ADGRA1: variants seen among roughly 807,000 people sequenced by gnomAD.
ADGRA1 encodes adhesion G protein-coupled receptor A1.
ADGRA1 carries 12 observed loss-of-function variants against 21.3 expected under a neutral mutation model. The observed-to-expected ratio is 0.56, with a 90% CI of 0.36 to 0.91. The LOEUF is 0.91. ADGRA1 is among the 40% of genes least tolerant of loss of function. The probability of loss-of-function intolerance (pLI) is 0.01; values close to 1 mark genes in which losing one functional copy is unlikely to be tolerated. For synonymous variants in ADGRA1, 385 were observed against 368.8 expected (o/e 1.04, Z -0.50); for missense variants, 790 against 805.6 (o/e 0.98, Z 0.23).
intron 5 of ADGRA1, among the ~76,000 whole-genome samples, chr10:133,112,692 GGCCA>G (rs1852071606): frequency 6.9e-6 from 1 of 145,732 alleles, no homozygotes; most frequent in African/African-American, 2.5e-5. Flanking sequence ...GGGGTCTACG[GGCCA>G]CGTCAGTTAT....
chr10:133,097,020 T>C lies in ADGRA1; in HGVS notation c.50T>C (p.Leu17Pro). 6.2e-7 allele frequency: 1 copy of C among 1,613,218 alleles called. No individual in the cohort carries two copies. ...CTGCCCCGCTACCCAGGGGAGTTCC[T>C]GCACCCCGTGGTGTACGCGTGCACG... is the stretch of plus-strand genomic sequence containing the variant. ...LSLPRYPGEFLHPVVYACTAV... is the reference protein window; with the variant it reads ...LSLPRYPGEFPHPVVYACTAV... The change falls in exon 3 of 7, where the codon CTG becomes CCG. Residue 17 changes from leucine to proline, a missense_variant. By Grantham distance (98) the Leu-to-Pro change is moderately conservative. Transcript: ENST00000392607.
At position 133,102,722 on chromosome 10, in the gene ADGRA1, C is replaced by T; in HGVS notation, c.281C>T (p.Thr94Ile). 6.2e-7 allele frequency: 1 copy of T among 1,612,080 alleles called. No homozygotes were observed. Among genetic ancestry groups the T allele is most frequent in the South Asian group, 1.1e-5 (1 of 91,024 alleles). ...QAVGIVLHYS[T>I]LSTMLWIGVT... ...GTGGGCATCGTGCTGCACTATTCTA[C>T]ACTGTCCACCATGCTGTGGATAGGA... Residue 94 changes from threonine (T) to isoleucine (I), a missense_variant, in exon 5 of 7, where the codon ACA (threonine) becomes ATA (isoleucine). Coordinates refer to ENST00000392607, the MANE Select transcript of ADGRA1 (RefSeq NM_001083909.3).
chr10:133,093,322 C>G, intron 2 of ADGRA1: 1 of 1,520,456 alleles, frequency 6.6e-7, no homozygotes, highest in Non-Finnish European at 8.8e-7. Context: ...ATCTTTCCTC[C>G]TTTGTTTTTG....
chr10:133,125,462 C>A (rs1049981810), intron 5 of ADGRA1, among the ~76,000 whole-genome samples: 1 of 152,182 alleles, frequency 6.6e-6, no homozygotes, highest in Admixed American at 6.5e-5. Flanking sequence ...CTCGTTCTGT[C>A]GCCCAGGCTG....
At chr10:133,093,675 C>A (rs1285656579) in intron 2 of ADGRA1, among the ~76,000 whole-genome samples, 2 of 152,218 alleles carry the variant, frequency 1.3e-5, no homozygotes, top group Non-Finnish European at 2.9e-5. Context: ...CCCTTCCCAG[C>A]CCCCTTGGGT....
rs146642116 is a variant in ADGRA1, at chr10:133,114,017, C to A, written c.401+11175C>A. On this transcript the variant is annotated intron_variant, in intron 5 of 6. Coordinates refer to ENST00000392607, the MANE Select transcript of ADGRA1 (RefSeq NM_001083909.3). ...ACCTGGCATCTCACACTTTGGCGGT[C>A]CCCTGACTCTAGACACCATGAGTAC... Among the ~76,000 whole-genome samples, 268 of 152,346 alleles carry A rather than the reference C, an allele frequency of 1.8e-3. 1 individual carries two copies. The highest frequency in any genetic ancestry group is 6.3e-3 in the African/African-American group (263 of 41,584).
chr10:133,117,480 C>T (rs991849999), intron 5 of ADGRA1, among the ~76,000 whole-genome samples: 3 of 152,128 alleles, frequency 2.0e-5, no homozygotes, highest in African/African-American at 4.8e-5. Flanking sequence ...GCACTGTGGA[C>T]GTGGGCAGGG....
chr10:133,098,696 C>G lies in ADGRA1; in HGVS notation c.188C>G (p.Ala63Gly). 6.2e-7 allele frequency: 1 copy of G among 1,611,760 alleles called. No homozygotes were observed. Among genetic ancestry groups the G allele is most frequent in the Non-Finnish European group, 8.5e-7 (1 of 1,179,972 alleles). ...ACGCTCCTGAATTTCTGCTTCCACGCGGCCCTGACCTTCACTGTGTTCGCC... is the reference window on the plus strand; with the variant it reads ...ACGCTCCTGAATTTCTGCTTCCACGGGGCCCTGACCTTCACTGTGTTCGCC... Reference protein sequence around the residue: ...RHTLLNFCFHAALTFTVFAGG... With the variant: ...RHTLLNFCFHGALTFTVFAGG... Residue 63 changes from alanine to glycine, a missense_variant, in exon 4 of 7, where the codon GCG (alanine) becomes GGG (glycine). Transcript: ENST00000392607.
chr10:133,089,089 C>T (rs1851555734), intron 2 of ADGRA1, 177 bp downstream of exon 2: 30 of 1,152,170 alleles, frequency 2.6e-5, no homozygotes, highest in Admixed American at 4.2e-5. Context: ...GGACAGGCCG[C>T]GTGTCTGGGC....
In ADGRA1 at chr10:133,098,731, A is replaced by C; in HGVS notation, c.223A>C (p.Asn75His). The change falls in exon 4 of 7, where the codon AAT becomes CAT. Residue 75 changes from asparagine to histidine, a missense_variant. Physicochemically the swap from Asn to His is moderately conservative, Grantham distance 68. Coordinates refer to ENST00000392607, the MANE Select transcript of ADGRA1 (RefSeq NM_001083909.3). ...LTFTVFAGGI[N>H]RTKYPILCQA... is the part of the protein sequence containing the mutation. ...CTTCACTGTGTTCGCCGGCGGCATC[A>C]ATCGCACCAAGTACCCCATCCTGTG... The C allele has an allele frequency of 6.2e-7, 1 of 1,611,886 alleles. No homozygotes were observed. The highest frequency in any genetic ancestry group is 8.5e-7 in the Non-Finnish European group (1 of 1,179,966).
At chr10:133,111,762 CACA>C (rs1472681555) in intron 5 of ADGRA1, among the ~76,000 whole-genome samples, 2 of 142,842 alleles carry the variant, frequency 1.4e-5, no homozygotes, top group Admixed American at 1.4e-4. Context: ...ACCTGCCCGC[CACA>C]GACACCTCCC....
intron 2 of ADGRA1, 109 bp from the exon 3 acceptor site, chr10:133,096,865 C>A: frequency 7.4e-7 from 1 of 1,359,418 alleles, no homozygotes; most frequent in Non-Finnish European, 1.0e-6. Context: ...CACGAAAATG[C>A]CTGGAGCGGC....
At chr10:133,107,349 T>G (rs918654019) in intron 5 of ADGRA1, among the ~76,000 whole-genome samples, 12 of 152,222 alleles carry the variant, frequency 7.9e-5, no homozygotes, top group African/African-American at 2.9e-4. Flanking sequence ...TCTTGCCTAA[T>G]TGTGCTGGCT....
At chr10:133,123,320 C>T (rs1033270194) in intron 5 of ADGRA1, among the ~76,000 whole-genome samples, 5 of 152,210 alleles carry the variant, frequency 3.3e-5, no homozygotes, top group Non-Finnish European at 7.3e-5. Context: ...CACTGACGGG[C>T]AGGAGCCTGT....
intron 2 of ADGRA1, among the ~76,000 whole-genome samples, chr10:133,092,797 G>GGAAGGAAGGA (rs757823884): frequency 1.6e-5 from 2 of 121,872 alleles, no homozygotes; most frequent in South Asian, 2.9e-4. Flanking sequence ...AAGGAAGGAA[G>GGAAGGAAGGA]AGAGGGAGGG....
intron 5 of ADGRA1, among the ~76,000 whole-genome samples, chr10:133,112,376 C>CGGTTATTTGGGGTCTACGGGCTACGTT (rs1852053012): frequency 6.7e-6 from 1 of 148,340 alleles, no homozygotes; most frequent in Non-Finnish European, 1.5e-5. Flanking sequence ...CGGGCCGTGT[C>CGGTTATTTGGGGTCTACGGGCTACGTT]GGTTATTTGG....
intron 5 of ADGRA1, among the ~76,000 whole-genome samples, chr10:133,113,695 G>C (rs1036838361): frequency 1.4e-5 from 2 of 144,668 alleles, no homozygotes; most frequent in African/African-American, 5.1e-5. Context: ...GCGAGCAAGC[G>C]ACCTGGCGCC....
chr10:133,123,572 C>G (rs369849571), intron 5 of ADGRA1, among the ~76,000 whole-genome samples: 251 of 152,330 alleles, frequency 1.6e-3, no homozygotes, highest in Middle Eastern at 6.8e-3. Context: ...GGGGCCGCAC[C>G]GCCTTCCCGT....
chr10:133,115,028 G>T (rs950849591), intron 5 of ADGRA1, among the ~76,000 whole-genome samples: 1 of 152,214 alleles, frequency 6.6e-6, no homozygotes, highest in Non-Finnish European at 1.5e-5. Context: ...CGACTGGTTG[G>T]TGGGGCAGCG....
Sources: allele counts gnomAD v4.1 joint callset (sites outside exome capture counted in the v4.1 genomes callset), GRCh38; gene constraint gnomAD v4.1.1; transcripts MANE v1.5; gene names NCBI Gene and HGNC (gene_info 2026-07-23, HGNC 2026-07-21).